IL1RAPL1: variants seen among roughly 807,000 people sequenced by gnomAD.
IL1RAPL1 encodes the protein interleukin-1 receptor accessory protein-like 1.
In IL1RAPL1, 3 loss-of-function variants were observed where a neutral mutation model predicts 48.4. The ratio of observed to expected loss-of-function variants is 0.06; its 90% CI spans 0.03 to 0.16. The LOEUF (loss-of-function observed/expected upper bound fraction) is 0.16, where lower values mean the gene tolerates loss of function less well. Ranked by LOEUF, IL1RAPL1 falls within the 10% of genes least tolerant of loss-of-function variation. IL1RAPL1 has a pLI of 1.00. For missense variants in IL1RAPL1, 349 were observed against 530.6 expected (o/e 0.66, Z 3.36); for synonymous variants, 185 against 187.7 (o/e 0.99, Z 0.12).
chrX:29,396,343 T>C lies in IL1RAPL1; in HGVS notation c.448T>C (p.Tyr150His). 8.3e-7 allele frequency: 1 copy of C among 1,208,698 alleles called. No homozygotes were observed. The highest frequency in any genetic ancestry group is 1.1e-6 in the Non-Finnish European group (1 of 892,639). Residue 150 changes from tyrosine to histidine, a missense_variant, in exon 4 of 11, where the codon TAT becomes CAT. By Grantham distance (83) the Tyr-to-His change is moderately conservative. Around this residue, in one of 3 missense-constraint regions of IL1RAPL1, gnomAD observed 238 missense variants for 337.8 expected, o/e 0.70. Coordinates refer to ENST00000378993, the MANE Select transcript of IL1RAPL1 (RefSeq NM_014271.4). The stretch of plus-strand genomic sequence containing the variant: ...ACTCTGCTATAATTCCAAGATGAAG[T>C]ATTTTGAAAAAGCTGAACTTAGCAA... ...TGLCYNSKMK[Y>H]FEKAELSKSK...
intron 3 of IL1RAPL1, among the ~76,000 whole-genome samples, chrX:29,395,163 C>G (rs1933905940): frequency 9.0e-6 from 1 of 111,474 alleles, no homozygotes; most frequent in East Asian, 2.8e-4. Flanking sequence ...TGCTGGCTCT[C>G]CCATGAGTCC....
At chrX:29,483,692 GTT>G (rs34256964) in intron 5 of IL1RAPL1, among the ~76,000 whole-genome samples, 54 of 99,761 alleles carry the variant, frequency 5.4e-4, no homozygotes, top group East Asian at 1.3e-3. Flanking sequence ...AGTAGTAGTA[GTT>G]TTTTTTTTTT....
At position 28,602,090 on chromosome X, in the gene IL1RAPL1, A is replaced by G. The variant is rs995421177; in HGVS notation, c.-25+14043A>G. 2.3e-4 allele frequency among the ~76,000 whole-genome samples: 23 copies of G among 101,838 alleles called. 1 individual carries two copies. Among genetic ancestry groups the G allele is most frequent in the Non-Finnish European group, 4.0e-5 (2 of 49,941 alleles). The allele number at this position is 101,838 out of a possible 115,157, so 88.4% of individuals were successfully genotyped here. A position where few individuals can be genotyped will look rare whatever the true frequency, so the allele number is the denominator to read the frequency against. ...ACTGCACTCCAGCCTGGGCAACAGA[A>G]CGAGACTCCATCTCAAAAAAAAAAA... On this transcript the variant is annotated intron_variant, in intron 1 of 10. Coordinates refer to ENST00000378993, the MANE Select transcript of IL1RAPL1 (RefSeq NM_014271.4).
chrX:29,139,454 T>C (rs1929202923), intron 2 of IL1RAPL1, among the ~76,000 whole-genome samples: 1 of 111,788 alleles, frequency 8.9e-6, no homozygotes, highest in Admixed American at 9.6e-5. Flanking sequence ...GACTTTATCA[T>C]ACAATTTTAT....
chrX:29,081,020 C>CTCTCTCTCTCTCTCT (rs1555960745), intron 2 of IL1RAPL1, among the ~76,000 whole-genome samples: 1 of 41,914 alleles, frequency 2.4e-5, no homozygotes, highest in Non-Finnish European at 4.4e-5. Context: ...CTCTCTCTCT[C>CTCTCTCTCTCTCTCT]TTTCTTTTCT....
At chrX:29,791,666 C>A (rs1175112395) in intron 6 of IL1RAPL1, among the ~76,000 whole-genome samples, 1 of 107,920 alleles carries the variant, frequency 9.3e-6, no homozygotes, top group Non-Finnish European at 1.9e-5. Context: ...TCAGGTGATC[C>A]ACCCGCCTTG....
chrX:29,920,168 A>G lies in IL1RAPL1; in HGVS notation c.1057+74A>G. 4 of 1,137,335 alleles carry G rather than the reference A, an allele frequency of 3.5e-6. No homozygotes were observed. The South Asian group carries it at 7.3e-5, about 21-fold the overall frequency. 93.7% of individuals were successfully genotyped at this position (1,137,335 alleles called of 1,213,427 possible). ...AGAAAAAATCATTGGGAACCAAGAA[A>G]CAAATTTAGTTTTGTTTTTCTCCAC... On this transcript the variant is annotated intron_variant, in intron 8 of 10. Coordinates refer to ENST00000378993, the MANE Select transcript of IL1RAPL1 (RefSeq NM_014271.4).
intron 1 of IL1RAPL1, among the ~76,000 whole-genome samples, chrX:28,777,339 A>G: frequency 9.0e-6 from 1 of 111,565 alleles, no homozygotes; most frequent in Non-Finnish European, 1.9e-5. Flanking sequence ...CCTTATCTCA[A>G]AATTCTTCAC....
intron 6 of IL1RAPL1, among the ~76,000 whole-genome samples, chrX:29,915,714 C>CTTTTTTTTTTTTT (rs201364121): frequency 1.8e-5 from 1 of 54,309 alleles, no homozygotes; most frequent in African/African-American, 7.4e-5. Context: ...TGGTAATATT[C>CTTTTTTTTTTTTT]TTTTTTTTTT....
At chrX:29,070,927 A>G (rs1238458891) in intron 2 of IL1RAPL1, among the ~76,000 whole-genome samples, 1 of 111,376 alleles carries the variant, frequency 9.0e-6, no homozygotes, top group East Asian at 2.8e-4. Flanking sequence ...CACAAAAAAC[A>G]GGGTCCTAGA....
intron 6 of IL1RAPL1, among the ~76,000 whole-genome samples, chrX:29,724,150 G>A (rs1042560804): frequency 1.8e-5 from 2 of 111,373 alleles, no homozygotes; most frequent in Non-Finnish European, 3.8e-5. Context: ...TGAAGATATT[G>A]TTATGCTTGG....
At position 29,031,757 on chromosome X, in the gene IL1RAPL1, C is replaced by T. The variant is rs764550422; in HGVS notation, c.82+242332C>T. Reference sequence around the variant, plus strand: ...GGGAGCATCCTTTCATACAATCATACGGATCCTTTTACGGTTTTTCTGGTT... The same window carrying T: ...GGGAGCATCCTTTCATACAATCATATGGATCCTTTTACGGTTTTTCTGGTT... On this transcript the variant is annotated intron_variant, in intron 2 of 10. Transcript: ENST00000378993. Among the ~76,000 whole-genome samples the T allele has an allele frequency of 3.8e-4, 42 of 111,169 alleles. No individual in the cohort carries two copies. In the South Asian group the frequency reaches 0.012, roughly 32 times the overall value.
intron 2 of IL1RAPL1, among the ~76,000 whole-genome samples, chrX:28,888,751 C>G (rs960093243): frequency 1.8e-5 from 2 of 111,356 alleles, no homozygotes; most frequent in African/African-American, 6.5e-5. Flanking sequence ...CTGACATTTT[C>G]ATGCTAATAT....
chrX:29,644,172 T>C lies in IL1RAPL1; in HGVS notation c.704-24258T>C, dbSNP rs1403078526. The stretch of plus-strand genomic sequence containing the variant: ...TAAAGGTATCTAATGAAGGAATCTG[T>C]TCTCCATTAACCTTGTACTCACTTG... On this transcript the variant is annotated intron_variant, in intron 5 of 10. Coordinates refer to ENST00000378993, the MANE Select transcript of IL1RAPL1 (RefSeq NM_014271.4). 5.3e-5 allele frequency among the ~76,000 whole-genome samples: 6 copies of C among 112,464 alleles called. No homozygotes were observed. The Admixed American group carries it at 5.6e-4, about 11-fold the overall frequency.
At chrX:29,058,601 C>T (rs183142163) in intron 2 of IL1RAPL1, among the ~76,000 whole-genome samples, 22 of 111,767 alleles carry the variant, frequency 2.0e-4, no homozygotes, top group African/African-American at 6.8e-4. Flanking sequence ...AACATTTATC[C>T]TAGGGGCATT....
intron 2 of IL1RAPL1, among the ~76,000 whole-genome samples, chrX:29,082,978 C>T (rs899155582): frequency 9.0e-6 from 1 of 111,526 alleles, no homozygotes; most frequent in Non-Finnish European, 1.9e-5. Context: ...AGCAATTAAG[C>T]CATTTCTATG....
In IL1RAPL1 at chrX:29,710,851, CTT is replaced by C. The variant is rs757344353; in HGVS notation, c.778+42348_778+42349del. On this transcript the variant is annotated intron_variant, in intron 6 of 10. Transcript: ENST00000378993. ...AATCTTGTTATCTGCTAGATAACCT[CTT>C]GTTTGTTATCTTAAATTTATGTTCT... is the stretch of plus-strand genomic sequence containing the variant. 1.6e-4 allele frequency among the ~76,000 whole-genome samples: 17 copies of C among 106,637 alleles called. No homozygotes were observed. The East Asian group carries it at 4.1e-3, about 26-fold the overall frequency. The allele number at this position is 106,637 out of a possible 115,157, so 92.6% of individuals were successfully genotyped here. A position where few individuals can be genotyped will look rare whatever the true frequency, so the allele number is the denominator to read the frequency against.
At chrX:29,691,487 C>T (rs769118713) in intron 6 of IL1RAPL1, among the ~76,000 whole-genome samples, 1 of 110,581 alleles carries the variant, frequency 9.0e-6, no homozygotes, top group Admixed American at 9.6e-5. Context: ...AACAAACAAA[C>T]AAAAAATAAG....
intron 1 of IL1RAPL1, among the ~76,000 whole-genome samples, chrX:28,708,903 T>A (rs1461499711): frequency 9.0e-6 from 1 of 111,242 alleles, no homozygotes; most frequent in East Asian, 2.8e-4. Flanking sequence ...GTAGGGTGAA[T>A]ATACGTCACA....
Sources: gnomAD v4.1 joint callset for allele counts (sites outside exome capture counted in the v4.1 genomes callset) on GRCh38, gnomAD v4.1.1 for gene constraint, gnomAD v4.1.1 regional missense constraint, MANE v1.5 for transcripts, NCBI Gene and HGNC (gene_info 2026-07-23, HGNC 2026-07-21) for gene names.